VPS35L: variants seen among roughly 807,000 people sequenced by gnomAD.
VPS35L encodes VPS35 endosomal protein sorting factor like.
VPS35L carries 83 observed loss-of-function variants against 133.0 expected under a neutral mutation model. The observed-to-expected ratio is 0.62, with a 90% CI of 0.52 to 0.75. The LOEUF (loss-of-function observed/expected upper bound fraction) is 0.75, where lower values mean the gene tolerates loss of function less well. Among genes scored for constraint, VPS35L ranks in the 30% least tolerant of loss-of-function variants. The probability of loss-of-function intolerance (pLI) is 0.00; values close to 1 mark genes in which losing one functional copy is unlikely to be tolerated. For synonymous variants in VPS35L, 423 were observed against 449.9 expected (o/e 0.94, Z 0.76); for missense variants, 1,083 against 1,206.8 (o/e 0.90, Z 1.52).
rs567724266 is a variant in VPS35L, at chr16:19,626,951, G to A, written c.1271+728G>A. On this transcript the variant is annotated intron_variant, in intron 15 of 30. Transcript: ENST00000417362. ...GTTTACCACTGTGTCCCCTGTGCCTGGTGCCTATAACATAAGATCTCTTTA... is the reference window on the plus strand; with the variant it reads ...GTTTACCACTGTGTCCCCTGTGCCTAGTGCCTATAACATAAGATCTCTTTA... Among the ~76,000 whole-genome samples the A allele has an allele frequency of 3.3e-5, 5 of 152,038 alleles. No individual in the cohort carries two copies. The South Asian group carries it at 1.0e-3, about 32-fold the overall frequency.
intron 1 of VPS35L, among the ~76,000 whole-genome samples, chr16:19,562,687 G>A (rs1243616027): frequency 6.6e-6 from 1 of 152,064 alleles, no homozygotes; most frequent in Admixed American, 6.6e-5. Flanking sequence ...TAGAGATTAA[G>A]AAATGTAAAG....
chr16:19,555,837 G>C (rs1970834949), intron 1 of VPS35L, 91 bp downstream of exon 1: 1 of 1,491,584 alleles, frequency 6.7e-7, no homozygotes, highest in Admixed American at 2.3e-5. Flanking sequence ...ATTCCTCTCT[G>C]TCGGGTTCTG....
rs752332600 is a variant in VPS35L at position 19,644,867 on chromosome 16, G to A, written c.1866-19G>A. ...CATCTATTACCTCCGTGTTAATTAT[G>A]TACAATTATTGATTTTAGTGCACTC... On this transcript the variant is annotated intron_variant, in intron 22 of 30. Transcript: ENST00000417362. 14 of 1,549,706 alleles carry A rather than the reference G, an allele frequency of 9.0e-6. No homozygotes were observed. In the East Asian group the frequency reaches 2.7e-4, roughly 30 times the overall value.
At chr16:19,655,473 C>T (rs199736094) in intron 26 of VPS35L, among the ~76,000 whole-genome samples, 4 of 152,284 alleles carry the variant, frequency 2.6e-5, no homozygotes, top group Admixed American at 6.5e-5. Context: ...AAAATGTCCC[C>T]GTCCCTCCAG....
intron 22 of VPS35L, 98 bp from the exon 23 acceptor site, chr16:19,644,788 G>C: frequency 1.3e-6 from 1 of 800,000 alleles, no homozygotes; most frequent in Non-Finnish European, 1.9e-6. Context: ...AATGCAAAAT[G>C]TTCTTACCTG....
rs200153962 is a variant in VPS35L at position 19,652,030 on chromosome 16, C to T, written c.2161C>T (p.Arg721Cys). Residue 721 changes from arginine (R) to cysteine (C), a missense_variant, in exon 26 of 31, where the codon CGT (arginine) becomes TGT (cysteine). Coordinates refer to ENST00000417362, the MANE Select transcript of VPS35L (RefSeq NM_020314.7). ...CCCCTCCCTGGCGGGCATCTTCACA[C>T]GTCTCAATCTCTACCTGCATTCTGG... ...TIPSLAGIFT[R>C]LNLYLHSGQV... The T allele has an allele frequency of 3.0e-5, 49 of 1,613,482 alleles. No individual in the cohort carries two copies. The highest frequency in any genetic ancestry group is 1.2e-4 in the Admixed American group (7 of 59,944).
intron 10 of VPS35L, 141 bp from the exon 11 acceptor site, chr16:19,608,833 C>G: frequency 1.6e-6 from 1 of 630,180 alleles, no homozygotes. Context: ...CATAAGCTAC[C>G]TTAGTTCGCT....
intron 28 of VPS35L, among the ~76,000 whole-genome samples, chr16:19,690,772 G>A (rs1975642057): frequency 6.6e-6 from 1 of 152,084 alleles, no homozygotes; most frequent in African/African-American, 2.4e-5. Context: ...CCAGCATGGT[G>A]AAACCCCATC....
intron 16 of VPS35L, among the ~76,000 whole-genome samples, 183 bp from the exon 17 acceptor site, chr16:19,628,454 C>T (rs1020534571): frequency 6.6e-6 from 1 of 152,204 alleles, no homozygotes; most frequent in Non-Finnish European, 1.5e-5. Flanking sequence ...ATGGAGCTAA[C>T]TCTGTGTGAG....
chr16:19,576,446 C>A (rs1376801878), intron 5 of VPS35L, among the ~76,000 whole-genome samples: 1 of 152,188 alleles, frequency 6.6e-6, no homozygotes, highest in Non-Finnish European at 1.5e-5. Flanking sequence ...ACCAGGGTGT[C>A]TCAAACTGCC....
At chr16:19,598,099 G>A (rs112309746) in intron 8 of VPS35L, among the ~76,000 whole-genome samples, 7 of 152,128 alleles carry the variant, frequency 4.6e-5, no homozygotes, top group East Asian at 1.9e-4. Context: ...CAGTGCCTGC[G>A]TCTCCTGTTT....
intron 14 of VPS35L, among the ~76,000 whole-genome samples, chr16:19,622,778 C>A (rs1973125871): frequency 6.6e-6 from 1 of 152,098 alleles, no homozygotes; most frequent in African/African-American, 2.4e-5. Context: ...AATGACTTTT[C>A]AAATGTAAAT....
Position 19,594,644 on chromosome 16 carries a change from CAAAAAAAAAA to C in VPS35L, c.724+2788_724+2797del, listed in dbSNP as rs57187565. On this transcript the variant is annotated intron_variant, in intron 8 of 30. Transcript: ENST00000417362. ...GTGCCACAGAGCTGAGATTTCGTCT[CAAAAAAAAAA>C]AAAAAAAAAAAAAAAAAGAAGAGAA... is the stretch of plus-strand genomic sequence containing the variant. 2.5e-4 allele frequency among the ~76,000 whole-genome samples: 8 copies of C among 31,494 alleles called. 1 individual carries two copies. The highest frequency in any genetic ancestry group is 3.2e-4 in the Non-Finnish European group (5 of 15,766). 20.7% of individuals were successfully genotyped at this position (31,494 alleles called of 152,430 possible). A position where few individuals can be genotyped will look rare whatever the true frequency, so the allele number is the denominator to read the frequency against.
At chr16:19,697,875 G>A (rs935119266) in intron 29 of VPS35L, among the ~76,000 whole-genome samples, 9 of 152,210 alleles carry the variant, frequency 5.9e-5, no homozygotes, top group African/African-American at 1.9e-4. Context: ...GCTGGAGCTC[G>A]GACTCCCCTC....
At chr16:19,674,189 T>C (rs1380247574) in intron 27 of VPS35L, among the ~76,000 whole-genome samples, 34 of 130,146 alleles carry the variant, frequency 2.6e-4, no homozygotes, top group African/African-American at 1.0e-3. Context: ...TTTTTCTTTT[T>C]TTTTTTTTTT....
chr16:19,691,813 T>TTCTG (rs112202503), intron 29 of VPS35L, among the ~76,000 whole-genome samples: 41,084 of 151,546 alleles, frequency 0.27, 8,336 homozygotes, highest in African/African-American at 0.57. Flanking sequence ...GTCTGAAATG[T>TTCTG]TCTGTCTGTC....
intron 26 of VPS35L, among the ~76,000 whole-genome samples, chr16:19,667,990 G>A (rs907377747): frequency 2.0e-5 from 3 of 152,118 alleles, no homozygotes; most frequent in Non-Finnish European, 2.9e-5. Flanking sequence ...TTTACAAGGA[G>A]TGTCTTTCTG....
chr16:19,595,893 C>T (rs1307035472), intron 8 of VPS35L, among the ~76,000 whole-genome samples: 1 of 152,146 alleles, frequency 6.6e-6, no homozygotes, highest in Non-Finnish European at 1.5e-5. Flanking sequence ...TGCCTGTAAT[C>T]CCAGCACTTT....
chr16:19,592,073 T>G (rs1430590814), intron 8 of VPS35L, among the ~76,000 whole-genome samples, 199 bp downstream of exon 8: 1 of 151,894 alleles, frequency 6.6e-6, no homozygotes, highest in African/African-American at 2.4e-5. Context: ...AAAATTTTAT[T>G]TTTTCTTCTT....
Sources: allele counts gnomAD v4.1 joint callset (sites outside exome capture counted in the v4.1 genomes callset), GRCh38; gene constraint gnomAD v4.1.1; transcripts MANE v1.5; gene names NCBI Gene and HGNC (gene_info 2026-07-23, HGNC 2026-07-21).